The following TPST1 variants were observed in gnomAD, a reference collection of about 807,000 sequenced individuals.
TPST1 encodes tyrosylprotein sulfotransferase 1.
In TPST1, 20 loss-of-function variants were observed where a neutral mutation model predicts 34.8. The observed-to-expected ratio is 0.57, with a 90% CI of 0.40 to 0.84. The LOEUF is 0.84. Ranked by LOEUF, TPST1 falls within the 40% of genes least tolerant of loss-of-function variation. TPST1 has a pLI of 0.00. For synonymous variants in TPST1, 152 were observed against 159.4 expected (o/e 0.95, Z 0.35); for missense variants, 353 against 455.5 (o/e 0.78, Z 2.05).
chr7:66,342,620 A>C (rs1792260282), intron 3 of TPST1, among the ~76,000 whole-genome samples: 1 of 152,168 alleles, frequency 6.6e-6, no homozygotes, highest in Non-Finnish European at 1.5e-5. Flanking sequence ...ACCAGCATCT[A>C]TCTGCTTAGC....
chr7:66,357,929 C>G (rs546851990), intron 5 of TPST1, among the ~76,000 whole-genome samples: 1 of 152,202 alleles, frequency 6.6e-6, no homozygotes, highest in African/African-American at 2.4e-5. Context: ...ACTAAAAATA[C>G]AAAAATTAGC....
intron 1 of TPST1, among the ~76,000 whole-genome samples, chr7:66,227,652 G>A (rs1461725556): frequency 6.6e-6 from 1 of 152,050 alleles, no homozygotes; most frequent in Non-Finnish European, 1.5e-5. Context: ...TAATCCTGGT[G>A]CAAGATGCTG....
chr7:66,297,788 C>T (rs772555690), intron 3 of TPST1, among the ~76,000 whole-genome samples: 13 of 152,200 alleles, frequency 8.5e-5, no homozygotes, highest in Non-Finnish European at 1.9e-4. Context: ...AAGGTAAAGC[C>T]TGGAATGAAT....
chr7:66,224,901 C>CTTTTTTTTTTTTTTTTTT (rs780952403), intron 1 of TPST1, among the ~76,000 whole-genome samples: 4 of 42,410 alleles, frequency 9.4e-5, no homozygotes, highest in African/African-American at 2.2e-4. Flanking sequence ...TTCTGGTATT[C>CTTTTTTTTTTTTTTTTTT]TTTTTTTTTT....
intron 2 of TPST1, among the ~76,000 whole-genome samples, chr7:66,252,504 G>C (rs1584177842): frequency 6.7e-6 from 1 of 150,006 alleles, no homozygotes; most frequent in African/African-American, 2.5e-5. Flanking sequence ...ACCATGCCCG[G>C]CTAATTTTTT....
intron 3 of TPST1, among the ~76,000 whole-genome samples, chr7:66,302,288 G>A (rs1428001811): frequency 1.3e-5 from 2 of 152,108 alleles, no homozygotes; most frequent in Non-Finnish European, 2.9e-5. Flanking sequence ...TCATTTAGAC[G>A]AGGGGTTCAT....
At chr7:66,202,342 C>T (rs570105224), upstream of TPST1, among the ~76,000 whole-genome samples, 32 of 152,312 alleles carry the variant, frequency 2.1e-4, no homozygotes, top group African/African-American at 7.0e-4. Flanking sequence ...TCACCTGAAG[C>T]TGTCCTGCTC....
In TPST1 at chr7:66,205,726, T is replaced by G. The variant is rs1789114133; in HGVS notation, c.-102+204T>G. 2 of 151,972 alleles carry G rather than the reference T, an allele frequency of 1.3e-5. No homozygotes were observed. The highest frequency in any genetic ancestry group is 2.0e-4 in the East Asian group (1 of 5,090). 9.4% of individuals were successfully genotyped at this position (151,972 alleles called of 1,614,324 possible). On this transcript the variant is annotated intron_variant, in intron 1 of 5. Coordinates refer to ENST00000304842, the MANE Select transcript of TPST1 (RefSeq NM_003596.4). This position sits in a 1 kb window ranked among gnomAD's most constrained non-coding sequence, Gnocchi z 5.0. ...ACGCCCCTTCCCCCATCGCCGGCAT[T>G]TCCCGGGCTCGGCTTCGCCCCGGCC...
At chr7:66,333,833 C>G (rs1204950766) in intron 3 of TPST1, among the ~76,000 whole-genome samples, 1 of 152,170 alleles carries the variant, frequency 6.6e-6, no homozygotes, top group Non-Finnish European at 1.5e-5. Flanking sequence ...AAAACTAGTA[C>G]TACTGGATCC....
chr7:66,254,489 C>T lies in TPST1; in HGVS notation c.845+13219C>T, dbSNP rs568667133. On this transcript the variant is annotated intron_variant, in intron 2 of 5. Coordinates refer to ENST00000304842, the MANE Select transcript of TPST1 (RefSeq NM_003596.4). ...TGCGATCTCAGCTCACTGCAACCTC[C>T]GCCTCCCGGATTCAGGAGATTCTCC... Among the ~76,000 whole-genome samples, 10 of 152,238 alleles carry T rather than the reference C, an allele frequency of 6.6e-5. 1 individual carries two copies. The highest frequency in any genetic ancestry group is 4.6e-4 in the Admixed American group (7 of 15,294).
chr7:66,274,686 A>G (rs10950033), intron 2 of TPST1, among the ~76,000 whole-genome samples: 98,217 of 152,022 alleles, frequency 0.65, 32,101 homozygotes, highest in African/African-American at 0.74. Context: ...TGCAAACCAT[A>G]TATCTGATAT....
At chr7:66,295,779 A>C (rs1791180650) in intron 3 of TPST1, among the ~76,000 whole-genome samples, 1 of 152,096 alleles carries the variant, frequency 6.6e-6, no homozygotes, top group South Asian at 2.1e-4. Flanking sequence ...TTATAGGCAC[A>C]TGCTACCACG....
Position 66,360,044 on chromosome 7 carries a change from G to A in TPST1, c.*179G>A. 1 of 441,578 alleles carries A rather than the reference G, an allele frequency of 2.3e-6. No individual in the cohort carries two copies. The highest frequency in any genetic ancestry group is 1.6e-5 in the South Asian group (1 of 63,366). 27.4% of individuals were successfully genotyped at this position (441,578 alleles called of 1,614,324 possible). ...GGATGGAGGTGTCCGCACAGCTTTG[G>A]GCCTCGTGAGGGATCTGCCTCCTGA... On this transcript the variant is annotated 3_prime_UTR_variant, in exon 6 of 6. Transcript: ENST00000304842.
At chr7:66,339,439 A>G (rs1194758755) in intron 3 of TPST1, among the ~76,000 whole-genome samples, 2 of 152,162 alleles carry the variant, frequency 1.3e-5, no homozygotes, top group African/African-American at 4.8e-5. Context: ...AACTAATACC[A>G]ATCCTACTCA....
At chr7:66,243,732 GC>G (rs1434665144) in intron 2 of TPST1, among the ~76,000 whole-genome samples, 2 of 151,220 alleles carry the variant, frequency 1.3e-5, no homozygotes, top group East Asian at 3.9e-4. Flanking sequence ...ACAGGTGTGA[GC>G]CACTATGCCT....
In TPST1 at chr7:66,240,308, T is replaced by C. The variant is rs1790001513; in HGVS notation, c.-101-17T>C. 3.9e-6 allele frequency: 5 copies of C among 1,265,834 alleles called. No individual in the cohort carries two copies. The highest frequency in any genetic ancestry group is 5.3e-6 in the Non-Finnish European group (5 of 938,788). 78.4% of individuals were successfully genotyped at this position (1,265,834 alleles called of 1,614,324 possible). A position where few individuals can be genotyped will look rare whatever the true frequency, so the allele number is the denominator to read the frequency against. On this transcript the variant is annotated splice_polypyrimidine_tract_variant and intron_variant, in intron 1 of 5. Transcript: ENST00000304842. Reference sequence around the variant, plus strand: ...ATCTCAATGTAATGATAAATAACCTTTTCCTTTCTCTACTAGATGTTGGTT... The same window carrying C: ...ATCTCAATGTAATGATAAATAACCTCTTCCTTTCTCTACTAGATGTTGGTT...
chr7:66,278,100 C>CAAAAAAAA (rs35654351), intron 2 of TPST1, among the ~76,000 whole-genome samples: 12 of 50,242 alleles, frequency 2.4e-4, no homozygotes, highest in East Asian at 8.3e-4. Flanking sequence ...GACTCCATCT[C>CAAAAAAAA]AAAAAAAAAA....
At chr7:66,268,555 A>C (rs1017339856) in intron 2 of TPST1, among the ~76,000 whole-genome samples, 5 of 152,240 alleles carry the variant, frequency 3.3e-5, no homozygotes, top group African/African-American at 1.2e-4. Flanking sequence ...AATTAATAAA[A>C]TAGAGAAAAA....
intron 3 of TPST1, among the ~76,000 whole-genome samples, chr7:66,341,956 G>A (rs1251730111): frequency 2.0e-5 from 3 of 151,976 alleles, no homozygotes; most frequent in African/African-American, 7.2e-5. Flanking sequence ...AAATATCTTA[G>A]TAAAACAAAA....
Sources: gnomAD v4.1 joint callset for allele counts (sites outside exome capture counted in the v4.1 genomes callset) on GRCh38, gnomAD v4.1.1 for gene constraint, Gnocchi (gnomAD v3.1) non-coding constraint, MANE v1.5 for transcripts, NCBI Gene and HGNC (gene_info 2026-07-23, HGNC 2026-07-21) for gene names.